Variants in TADA1 observed in about 807,000 individuals in gnomAD.
The protein encoded by TADA1 is transcriptional adaptor 1, also known as transcriptional adapter 1.
TADA1 carries 23 observed loss-of-function variants against 39.3 expected under a neutral mutation model. The ratio of observed to expected loss-of-function variants is 0.58; its 90% CI spans 0.42 to 0.83. TADA1 has a LOEUF of 0.83. Ranked by LOEUF, TADA1 falls within the 40% of genes least tolerant of loss-of-function variation. The probability of loss-of-function intolerance (pLI) is 0.00; values close to 1 mark genes in which losing one functional copy is unlikely to be tolerated. For synonymous variants in TADA1, 137 were observed against 151.8 expected (o/e 0.90, Z 0.72); for missense variants, 352 against 408.1 (o/e 0.86, Z 1.18).
chr1:166,860,428 T>C, intron 5 of TADA1, 91 bp from the exon 6 acceptor site: 2 of 1,285,026 alleles, frequency 1.6e-6, no homozygotes, highest in Non-Finnish European at 2.1e-6. Context: ...TATTGGCATT[T>C]AGATGGAGAT....
intron 4 of TADA1, chr1:166,862,710 A>G: frequency 2.5e-6 from 1 of 407,522 alleles, no homozygotes; most frequent in Non-Finnish European, 4.5e-6. Context: ...TAACTGAAAG[A>G]GAAGGAGAAG....
intron 3 of TADA1, among the ~76,000 whole-genome samples, chr1:166,868,266 A>G (rs1279720166): frequency 6.6e-6 from 1 of 152,188 alleles, no homozygotes; most frequent in Non-Finnish European, 1.5e-5. Flanking sequence ...TTAAAGTGAC[A>G]GGTTTCGTTT....
intron 3 of TADA1, among the ~76,000 whole-genome samples, 167 bp from the exon 4 acceptor site, chr1:166,864,088 T>C (rs1264316598): frequency 6.6e-6 from 1 of 152,226 alleles, no homozygotes; most frequent in African/African-American, 2.4e-5. Context: ...AAATTATCGA[T>C]CCTCTCAAAT....
chr1:166,875,519 T>C (rs1328021422), intron 1 of TADA1, among the ~76,000 whole-genome samples: 2 of 152,218 alleles, frequency 1.3e-5, no homozygotes, highest in Non-Finnish European at 2.9e-5. Context: ...ATCTGTCAAA[T>C]GGGAATAACA....
chr1:166,857,806 T>C (rs1275859493), intron 7 of TADA1, 87 bp from the exon 8 acceptor site: 10 of 1,402,328 alleles, frequency 7.1e-6, no homozygotes, highest in East Asian at 6.9e-5. Context: ...CAACAAAACA[T>C]ACACACAATC....
intron 3 of TADA1, chr1:166,868,618 A>C (rs1658587220): frequency 6.6e-6 from 1 of 152,334 alleles, no homozygotes; most frequent in Non-Finnish European, 1.5e-5. Flanking sequence ...ATATAAGTAC[A>C]GGGACATAAC....
At chr1:166,860,046 G>A (rs1658370398) in intron 6 of TADA1, 140 bp downstream of exon 6, 2 of 802,526 alleles carry the variant, frequency 2.5e-6, no homozygotes, top group African/African-American at 1.8e-5. Flanking sequence ...GCAAGTATAG[G>A]ACTTTAAAAA....
At chr1:166,867,490 A>G (rs1226271712) in intron 3 of TADA1, among the ~76,000 whole-genome samples, 2 of 152,272 alleles carry the variant, frequency 1.3e-5, no homozygotes, top group East Asian at 3.9e-4. Flanking sequence ...ACTGCTCTCT[A>G]AAACAACCCC....
intron 5 of TADA1, among the ~76,000 whole-genome samples, chr1:166,860,596 GAA>G (rs1348806496): frequency 6.6e-6 from 1 of 152,176 alleles, no homozygotes; most frequent in African/African-American, 2.4e-5. Context: ...CATGAAATTT[GAA>G]AAGTCTTTAC....
intron 1 of TADA1, among the ~76,000 whole-genome samples, chr1:166,871,844 A>G (rs1161460621): frequency 1.3e-5 from 2 of 152,206 alleles, no homozygotes; most frequent in Admixed American, 6.5e-5. Context: ...CAAAAAAAAT[A>G]AAATAAAAAA....
At position 166,876,258 on chromosome 1, in the gene TADA1, G is replaced by A; in HGVS notation, c.-25C>T. The A allele has an allele frequency of 1.9e-6, 3 of 1,607,902 alleles. No individual in the cohort carries two copies. The highest frequency in any genetic ancestry group is 1.7e-6 in the Non-Finnish European group (2 of 1,177,344). On this transcript the variant is annotated 5_prime_UTR_variant, in exon 1 of 8. Coordinates refer to ENST00000367874, the MANE Select transcript of TADA1 (RefSeq NM_053053.4). ...TTGCTCCGCGTGTCTCAGCCCGACC[G>A]CAGACCGCCCGGCCACCGCGATCAA...
At chr1:166,860,577 C>T (rs1658383008) in intron 5 of TADA1, among the ~76,000 whole-genome samples, 1 of 152,170 alleles carries the variant, frequency 6.6e-6, no homozygotes, top group South Asian at 2.1e-4. Context: ...TTAAGAGGGG[C>T]TTGCTATACA....
intron 1 of TADA1, among the ~76,000 whole-genome samples, chr1:166,873,756 C>A (rs1658706269): frequency 6.6e-6 from 1 of 152,196 alleles, no homozygotes; most frequent in Non-Finnish European, 1.5e-5. Context: ...GGGATTCACA[C>A]TCCAGATGCA....
chr1:166,862,556 A>G, intron 4 of TADA1, 144 bp from the exon 5 acceptor site: 1 of 637,218 alleles, frequency 1.6e-6, no homozygotes, highest in Non-Finnish European at 2.7e-6. Flanking sequence ...GAGTTAATTC[A>G]TGCACAAATA....
chr1:166,870,903 C>T (rs1658644141), intron 1 of TADA1, among the ~76,000 whole-genome samples: 1 of 152,182 alleles, frequency 6.6e-6, no homozygotes, highest in Non-Finnish European at 1.5e-5. Flanking sequence ...ACTATTATAG[C>T]TATACCCTTG....
At position 166,876,240 on chromosome 1, in the gene TADA1, G is replaced by C. The variant is rs561805604; in HGVS notation, c.-7C>G. On this transcript the variant is annotated 5_prime_UTR_variant, in exon 1 of 8. Transcript: ENST00000367874. ...CGCTCACAAAGGTCGCCATTGCTCC[G>C]CGTGTCTCAGCCCGACCGCAGACCG... 2 of 1,612,358 alleles carry C rather than the reference G, an allele frequency of 1.2e-6. No individual in the cohort carries two copies. Among genetic ancestry groups the C allele is most frequent in the Non-Finnish European group, 1.7e-6 (2 of 1,179,434 alleles).
intron 7 of TADA1, 21 bp downstream of exon 7, chr1:166,858,098 C>CT: frequency 1.2e-6 from 2 of 1,613,508 alleles, no homozygotes; most frequent in Non-Finnish European, 1.7e-6. Context: ...CCTAGGTAAA[C>CT]TTTAAGGAGC....
intron 1 of TADA1, among the ~76,000 whole-genome samples, chr1:166,870,558 T>C (rs1357420050): frequency 6.6e-6 from 1 of 152,226 alleles, no homozygotes; most frequent in Non-Finnish European, 1.5e-5. Context: ...GCCGGTACGG[T>C]GGCTCATGCC....
rs542361602 is a variant in TADA1 at position 166,873,540 on chromosome 1, T to A, written c.74+2620A>T. Among the ~76,000 whole-genome samples, 801 of 152,160 alleles carry A rather than the reference T, an allele frequency of 5.3e-3. 6 individuals are homozygous for A. The highest frequency in any genetic ancestry group is 7.1e-3 in the Non-Finnish European group (482 of 68,002). On this transcript the variant is annotated intron_variant, in intron 1 of 7. Transcript: ENST00000367874. ...CCTACCACCGAGGACCACACTTAAA[T>A]AGGTTGTGCAAACCAAAGCAAACTG...
Sources: allele counts gnomAD v4.1 joint callset (sites outside exome capture counted in the v4.1 genomes callset), GRCh38; gene constraint gnomAD v4.1.1; transcripts MANE v1.5; gene names NCBI Gene and HGNC (gene_info 2026-07-23, HGNC 2026-07-21).